Variants in PLXDC2 observed in about 807,000 individuals in gnomAD.
The protein encoded by PLXDC2 is plexin domain containing 2, also known as plexin domain-containing protein 2.
PLXDC2 carries 40 observed loss-of-function variants against 68.9 expected under a neutral mutation model. The observed-to-expected ratio is 0.58, with a 90% CI of 0.45 to 0.76. The LOEUF (loss-of-function observed/expected upper bound fraction) is 0.76, where lower values mean the gene tolerates loss of function less well. Ranked by LOEUF, PLXDC2 falls within the 30% of genes least tolerant of loss-of-function variation. The pLI is 0.00. For synonymous variants in PLXDC2, 243 were observed against 234.2 expected, an observed-to-expected ratio of 1.04 and a Z score of -0.34; for missense variants, 644 against 661.9, an observed-to-expected ratio of 0.97 and a Z score of 0.30.
chr10:19,916,731 A>T (rs574709461), intron 1 of PLXDC2, among the ~76,000 whole-genome samples: 8 of 152,242 alleles, frequency 5.3e-5, no homozygotes, highest in South Asian at 4.2e-4. Context: ...TTTTCCCCAT[A>T]GATCTGTGGA....
chr10:20,072,942 A>G (rs966313985), intron 4 of PLXDC2, among the ~76,000 whole-genome samples: 1 of 152,326 alleles, frequency 6.6e-6, no homozygotes, highest in East Asian at 1.9e-4. Context: ...GTCCTATTTG[A>G]CAGATGCTTG....
At chr10:20,142,911 T>C (rs1344196465) in intron 4 of PLXDC2, among the ~76,000 whole-genome samples, 1 of 152,042 alleles carries the variant, frequency 6.6e-6, no homozygotes, top group Non-Finnish European at 1.5e-5. Context: ...AATTCACTAA[T>C]TAAAAGGACT....
At chr10:20,251,474 A>G (rs1232162667) in intron 13 of PLXDC2, among the ~76,000 whole-genome samples, 1 of 152,152 alleles carries the variant, frequency 6.6e-6, no homozygotes, top group Non-Finnish European at 1.5e-5. Flanking sequence ...TCTAGGTTCT[A>G]CATTAAATTT....
chr10:20,048,503 A>G (rs921831939), intron 3 of PLXDC2, among the ~76,000 whole-genome samples: 18 of 152,224 alleles, frequency 1.2e-4, no homozygotes, highest in African/African-American at 2.9e-4. Context: ...GATTTTAACA[A>G]TGTCTTTCTG....
Position 20,284,813 on chromosome 10 carries a change from T to G in PLXDC2, c.*4994T>G, listed in dbSNP as rs1392347456. 1 of 152,178 alleles carries G rather than the reference T, an allele frequency of 6.6e-6. No homozygotes were observed. Among genetic ancestry groups the G allele is most frequent in the Non-Finnish European group, 1.5e-5 (1 of 68,040 alleles). 9.4% of individuals were successfully genotyped at this position (152,178 alleles called of 1,614,324 possible). On this transcript the variant is annotated 3_prime_UTR_variant, in exon 14 of 14. Coordinates refer to ENST00000377252, the MANE Select transcript of PLXDC2 (RefSeq NM_032812.9). ...GCAGTCCACTCAACGGTAACTTTAT[T>G]TGCTATATTGACAATCTGCTCTGTT...
chr10:19,907,571 A>G (rs1423656321), intron 1 of PLXDC2, among the ~76,000 whole-genome samples: 1 of 152,234 alleles, frequency 6.6e-6, no homozygotes, highest in Admixed American at 6.5e-5. Context: ...TAAGGAGGTC[A>G]TGGAACATGA....
chr10:19,850,976 C>G (rs1330007317), intron 1 of PLXDC2, among the ~76,000 whole-genome samples: 1 of 152,054 alleles, frequency 6.6e-6, no homozygotes, highest in East Asian at 1.9e-4. Flanking sequence ...AGGTATGTAA[C>G]CCCAGAAGAT....
intron 12 of PLXDC2, among the ~76,000 whole-genome samples, chr10:20,238,373 G>A (rs1198741612): frequency 7.3e-5 from 11 of 150,720 alleles, no homozygotes; most frequent in Middle Eastern, 3.5e-3. Context: ...TTGGCCAGGT[G>A]CGGTGGCTCA....
At chr10:20,234,966 G>A (rs1040755133) in intron 12 of PLXDC2, among the ~76,000 whole-genome samples, 1 of 152,148 alleles carries the variant, frequency 6.6e-6, no homozygotes, top group Non-Finnish European at 1.5e-5. Flanking sequence ...ACTTGAGATT[G>A]ATTTCGTATT....
At chr10:20,121,183 G>A (rs1319019483) in intron 4 of PLXDC2, among the ~76,000 whole-genome samples, 2 of 152,214 alleles carry the variant, frequency 1.3e-5, no homozygotes, top group East Asian at 1.9e-4. Flanking sequence ...TATGAGACAT[G>A]TAGAGAGTAA....
intron 3 of PLXDC2, among the ~76,000 whole-genome samples, chr10:20,066,332 A>G (rs1260588102): frequency 6.6e-6 from 1 of 152,208 alleles, no homozygotes; most frequent in African/African-American, 2.4e-5. Flanking sequence ...CTCATGTCAT[A>G]GCGTTTTGGT....
intron 9 of PLXDC2, among the ~76,000 whole-genome samples, chr10:20,182,784 C>T (rs930200431): frequency 1.3e-5 from 2 of 151,668 alleles, no homozygotes; most frequent in Non-Finnish European, 2.9e-5. Context: ...ATCTATCAAC[C>T]CACCATCTAG....
chr10:19,933,845 G>C (rs1388515991), intron 1 of PLXDC2, among the ~76,000 whole-genome samples: 1 of 119,872 alleles, frequency 8.3e-6, no homozygotes, highest in Non-Finnish European at 1.7e-5. Context: ...AAGGAGGGGA[G>C]GAAGGAAGGA....
intron 2 of PLXDC2, among the ~76,000 whole-genome samples, chr10:20,013,474 A>T (rs957687799): frequency 2.4e-4 from 36 of 152,162 alleles, no homozygotes; most frequent in African/African-American, 8.2e-4. Context: ...ATTTTCAAAG[A>T]TGAATGCATT....
intron 13 of PLXDC2, among the ~76,000 whole-genome samples, chr10:20,246,481 C>T (rs1287470899): frequency 1.3e-5 from 2 of 152,244 alleles, no homozygotes; most frequent in African/African-American, 4.8e-5. Flanking sequence ...TCCTGAGCAG[C>T]TTGGACTAGA....
chr10:20,160,562 G>C (rs1326640970), intron 6 of PLXDC2, among the ~76,000 whole-genome samples: 1 of 152,072 alleles, frequency 6.6e-6, no homozygotes, highest in Admixed American at 6.6e-5. Context: ...GATCTTCCTA[G>C]AGGGTTGGTC....
chr10:20,262,959 T>C (rs1370982431), intron 13 of PLXDC2, among the ~76,000 whole-genome samples: 1 of 152,232 alleles, frequency 6.6e-6, no homozygotes, highest in Non-Finnish European at 1.5e-5. Context: ...CTGAAAGCTC[T>C]CTGCTACTGC....
In PLXDC2 at chr10:20,132,581, AT is replaced by A. The variant is rs1322794059; in HGVS notation, c.542-10713del. Among the ~76,000 whole-genome samples, 3 of 152,050 alleles carry A rather than the reference AT, an allele frequency of 2.0e-5. No homozygotes were observed. In the East Asian group the frequency reaches 5.8e-4, roughly 29 times the overall value. Reference sequence around the variant, plus strand: ...TTTTATGTCCTTTTGATGAATTGATATCTTTATCATTGTCTCTTGTGGCAGT... The same window carrying A: ...TTTTATGTCCTTTTGATGAATTGATACTTTATCATTGTCTCTTGTGGCAGT... On this transcript the variant is annotated intron_variant, in intron 4 of 13. Transcript: ENST00000377252.
At chr10:20,107,648 T>G (rs1238507698) in intron 4 of PLXDC2, among the ~76,000 whole-genome samples, 1 of 152,186 alleles carries the variant, frequency 6.6e-6, no homozygotes, top group Non-Finnish European at 1.5e-5. Context: ...GGAGAGTTAT[T>G]ATGCAAAGGT....
Sources: gnomAD v4.1 joint callset for allele counts (sites outside exome capture counted in the v4.1 genomes callset) on GRCh38, gnomAD v4.1.1 for gene constraint, MANE v1.5 for transcripts, NCBI Gene and HGNC (gene_info 2026-07-23, HGNC 2026-07-21) for gene names.